ICAM1: variants seen among roughly 807,000 people sequenced by gnomAD.
ICAM1 encodes ICAM-1.
ICAM1 carries 28 observed loss-of-function variants against 42.3 expected under a neutral mutation model. The ratio of observed to expected loss-of-function variants is 0.66; its 90% CI spans 0.49 to 0.91. ICAM1 has a LOEUF of 0.91. Ranked by LOEUF, ICAM1 falls within the 40% of genes least tolerant of loss-of-function variation. The pLI is 0.00. For missense variants in ICAM1, 637 were observed against 688.6 expected (o/e 0.93, Z 0.84); for synonymous variants, 304 against 305.9 (o/e 0.99, Z 0.07).
chr19:10,278,425 G>C (rs990128494), intron 2 of ICAM1, among the ~76,000 whole-genome samples: 1 of 152,052 alleles, frequency 6.6e-6, no homozygotes, highest in African/African-American at 2.4e-5. Context: ...CTTCTGATTT[G>C]GAGGGTGGGT....
chr19:10,279,021 C>G (rs1228603707), intron 2 of ICAM1, among the ~76,000 whole-genome samples: 2 of 152,176 alleles, frequency 1.3e-5, no homozygotes, highest in African/African-American at 4.8e-5. Flanking sequence ...CTGAGAGAGA[C>G]TCTAGCTTGG....
chr19:10,281,687 G>T (rs985448696), intron 2 of ICAM1, among the ~76,000 whole-genome samples: 8 of 150,068 alleles, frequency 5.3e-5, no homozygotes, highest in Non-Finnish European at 8.8e-5. Flanking sequence ...AAGCAAGGCT[G>T]GGTATCAAAT....
intron 2 of ICAM1, chr19:10,283,274 A>C: frequency 2.0e-6 from 1 of 507,548 alleles, no homozygotes; most frequent in Admixed American, 3.5e-5. Flanking sequence ...GCTGTCATGA[A>C]TAAGGAATAT....
At chr19:10,282,582 C>T (rs2040069457) in intron 2 of ICAM1, among the ~76,000 whole-genome samples, 2 of 151,756 alleles carry the variant, frequency 1.3e-5, no homozygotes, top group Admixed American at 6.6e-5. Flanking sequence ...ATGGGGGTCT[C>T]CCTATGTTGC....
Position 10,285,145 on chromosome 19 carries a change from T to C in ICAM1, c.1457T>C (p.Val486Ala), listed in dbSNP as rs567569815. 1 of 1,614,170 alleles carries C rather than the reference T, an allele frequency of 6.2e-7. No homozygotes were observed. Among genetic ancestry groups the C allele is most frequent in the African/African-American group, 1.3e-5 (1 of 75,052 alleles). ...CGGTATGAGATTGTCATCATCACTG[T>C]GGTAGCAGCCGCAGTCATAATGGGC... ...SPRYEIVIIT[V>A]VAAAVIMGTA... The change falls in exon 7 of 7, where the codon GTG (valine) becomes GCG (alanine). Residue 486 changes from valine (V) to alanine (A), a missense_variant. Coordinates refer to ENST00000264832, the MANE Select transcript of ICAM1 (RefSeq NM_000201.3).
At chr19:10,276,988 A>G (rs1032923911) in intron 2 of ICAM1, among the ~76,000 whole-genome samples, 5 of 151,794 alleles carry the variant, frequency 3.3e-5, no homozygotes, top group African/African-American at 4.8e-5. Context: ...AAAAAAAAAA[A>G]AAAGAAATAA....
intron 2 of ICAM1, among the ~76,000 whole-genome samples, chr19:10,275,955 G>T (rs779927836): frequency 6.6e-6 from 1 of 150,970 alleles, no homozygotes; most frequent in Admixed American, 6.6e-5. Context: ...TGGTCCGCCC[G>T]CCTCGGCCTC....
chr19:10,283,731 C>A lies in ICAM1; in HGVS notation c.582C>A (p.Pro194=). Reference sequence around the variant, plus strand: ...GCCGCACTGAACTGGACCTGCGGCCCCAAGGGCTGGAGCTGTTTGAGAACA... The same window carrying A: ...GCCGCACTGAACTGGACCTGCGGCCACAAGGGCTGGAGCTGTTTGAGAACA... ...FSCRTELDLR[P]QGLELFENTS... Residue 194 remains proline, a synonymous_variant, in exon 3 of 7, where the codon CCC becomes CCA. Coordinates refer to ENST00000264832, the MANE Select transcript of ICAM1 (RefSeq NM_000201.3). The A allele has an allele frequency of 6.2e-7, 1 of 1,613,466 alleles. No individual in the cohort carries two copies. Among genetic ancestry groups the A allele is most frequent in the African/African-American group, 1.3e-5 (1 of 75,014 alleles).
chr19:10,280,694 TG>T (rs2145495603), intron 2 of ICAM1, among the ~76,000 whole-genome samples: 1 of 152,070 alleles, frequency 6.6e-6, no homozygotes, highest in East Asian at 1.9e-4. Context: ...CTCAGCCACC[TG>T]AGTAGCTGGG....
chr19:10,283,307 C>T (rs183560611), intron 2 of ICAM1, 174 bp from the exon 3 acceptor site: 105 of 599,438 alleles, frequency 1.8e-4, no homozygotes, highest in Non-Finnish European at 1.4e-4. Context: ...CACAAACACT[C>T]GGGGCCCTCT....
rs879042772 is a variant in ICAM1, at chr19:10,284,370, C to G, written c.926-33C>G. 2 of 1,611,900 alleles carry G rather than the reference C, an allele frequency of 1.2e-6. No individual in the cohort carries two copies. The highest frequency in any genetic ancestry group is 2.2e-5 in the South Asian group (2 of 91,074). On this transcript the variant is annotated intron_variant, in intron 4 of 6. Transcript: ENST00000264832. The surrounding 1 kb of genome is among the most constrained non-coding windows in gnomAD (Gnocchi z 5.4). The stretch of plus-strand genomic sequence containing the variant: ...GGGCTTCTTGGGGGTGTGACCTGAA[C>G]CCGGGGCGGGGCTCACTGTGTGCCT...
Position 10,284,554 on chromosome 19 carries a change from G to A in ICAM1, c.1077G>A (p.Lys359=), listed in dbSNP as rs2040087929. 1.2e-6 allele frequency: 2 copies of A among 1,614,154 alleles called. No individual in the cohort carries two copies. The highest frequency in any genetic ancestry group is 1.6e-4 in the Middle Eastern group (1 of 6,062). The change falls in exon 5 of 7, where the codon AAG becomes AAA. Residue 359 remains lysine, a synonymous_variant. Coordinates refer to ENST00000264832, the MANE Select transcript of ICAM1 (RefSeq NM_000201.3). This position sits in a 1 kb window ranked among gnomAD's most constrained non-coding sequence, Gnocchi z 5.4. The stretch of plus-strand genomic sequence containing the variant: ...GCCCGAGGGCCCAGCTCCTGCTGAA[G>A]GCCACCCCAGAGGACAACGGGCGCA... ...PLGPRAQLLL[K]ATPEDNGRSF... is the part of the protein sequence containing the mutation.
At chr19:10,274,091 C>A (rs1355808699) in intron 1 of ICAM1, among the ~76,000 whole-genome samples, 3 of 152,048 alleles carry the variant, frequency 2.0e-5, no homozygotes, top group African/African-American at 7.2e-5. Flanking sequence ...TAATCTCCCC[C>A]TCTTCATCCT....
rs772834478 is a variant in ICAM1, at chr19:10,285,006, C to T, written c.1404C>T (p.Arg468=). The T allele has an allele frequency of 1.2e-5, 20 of 1,613,518 alleles. No homozygotes were observed. The highest frequency in any genetic ancestry group is 1.7e-4 in the Middle Eastern group (1 of 6,016). ...GGAGCACTCAAGGGGAGGTCACCCG[C>T]AAGGTGACCGTGAATGTGCTCTGTG... ...RARSTQGEVT[R]KVTVNVLSPR... Residue 468 remains arginine (R), a synonymous_variant, in exon 6 of 7, where the codon CGC becomes CGT. Transcript: ENST00000264832.
chr19:10,278,834 G>A (rs2040035286), intron 2 of ICAM1, among the ~76,000 whole-genome samples: 2 of 152,022 alleles, frequency 1.3e-5, no homozygotes, highest in African/African-American at 2.4e-5. Flanking sequence ...GAGCCACCAC[G>A]CGCGGCTCTG....
chr19:10,281,117 C>T (rs1271708020), intron 2 of ICAM1, among the ~76,000 whole-genome samples: 1 of 151,882 alleles, frequency 6.6e-6, no homozygotes, highest in East Asian at 1.9e-4. Flanking sequence ...TCGTGATCCG[C>T]CCGCCTTGGC....
intron 2 of ICAM1, chr19:10,283,219 G>A: frequency 2.5e-6 from 1 of 397,652 alleles, no homozygotes; most frequent in South Asian, 5.6e-5. Flanking sequence ...CAGACACCTA[G>A]CAATAGACTT....
chr19:10,285,214 T>C lies in ICAM1; in HGVS notation c.1526T>C (p.Ile509Thr), dbSNP rs926467634. ...TACCTCTATAACCGCCAGCGGAAGA[T>C]CAAGAAATACAGACTACAACAGGCC... The part of the protein sequence containing the change: ...STYLYNRQRK[I>T]KKYRLQQAQK... Residue 509 changes from isoleucine to threonine, a missense_variant, in exon 7 of 7, where the codon ATC becomes ACC. Ile to Thr is a moderately conservative substitution (Grantham distance 89). Coordinates refer to ENST00000264832, the MANE Select transcript of ICAM1 (RefSeq NM_000201.3). 6.2e-7 allele frequency: 1 copy of C among 1,614,018 alleles called. No homozygotes were observed. Among genetic ancestry groups the C allele is most frequent in the African/African-American group, 1.3e-5 (1 of 74,960 alleles).
chr19:10,285,601 A>T lies in ICAM1; in HGVS notation c.*314A>T. ...GAAGTGGTGGGGGAGACATAGCCCC[A>T]CCATGAGGACATACAACTGGGAAAT... is the stretch of plus-strand genomic sequence containing the variant. On this transcript the variant is annotated 3_prime_UTR_variant, in exon 7 of 7. Coordinates refer to ENST00000264832, the MANE Select transcript of ICAM1 (RefSeq NM_000201.3). The T allele has an allele frequency of 3.3e-6, 1 of 306,504 alleles. No individual in the cohort carries two copies. Among genetic ancestry groups the T allele is most frequent in the Non-Finnish European group, 6.1e-6 (1 of 162,804 alleles). 19.0% of individuals were successfully genotyped at this position (306,504 alleles called of 1,614,324 possible).
Sources: allele counts gnomAD v4.1 joint callset (sites outside exome capture counted in the v4.1 genomes callset), GRCh38; gene constraint gnomAD v4.1.1; non-coding constraint Gnocchi (gnomAD v3.1); transcripts MANE v1.5; gene names NCBI Gene and HGNC (gene_info 2026-07-23, HGNC 2026-07-21).